Variants in MCM10 observed in about 807,000 individuals in gnomAD.
The protein encoded by MCM10 is minichromosome maintenance 10 replication initiation factor, also known as protein MCM10 homolog.
MCM10 carries 91 observed loss-of-function variants against 109.9 expected under a neutral mutation model. That is an observed-to-expected ratio of 0.83 (90% CI 0.70 to 0.99). The LOEUF (loss-of-function observed/expected upper bound fraction) is 0.99, where lower values mean the gene tolerates loss of function less well. MCM10 is among the 50% of genes least tolerant of loss of function. The pLI, the probability that MCM10 is intolerant of heterozygous loss-of-function variation, is 0.00. For missense variants in MCM10, 1,077 were observed against 1,061.2 expected, an observed-to-expected ratio of 1.01 and a Z score of -0.21; for synonymous variants, 380 against 387.2, an observed-to-expected ratio of 0.98 and a Z score of 0.22.
chr10:13,210,784 A>G lies in MCM10; in HGVS notation c.*1474A>G, dbSNP rs145018511. On this transcript the variant is annotated 3_prime_UTR_variant, in exon 20 of 20. Coordinates refer to ENST00000378714, the MANE Select transcript of MCM10 (RefSeq NM_018518.5). ...TAACAAAGAAAAGAATAAAGTATTT[A>G]TTAATAAGAACCAGAAAGCACTTGA... The G allele has an allele frequency of 6.6e-5, 10 of 152,312 alleles. No individual in the cohort carries two copies. In the East Asian group the frequency reaches 1.9e-3, roughly 29 times the overall value. The allele number at this position is 152,312 out of a possible 1,614,324, so 9.4% of individuals were successfully genotyped here.
At position 13,210,672 on chromosome 10, in the gene MCM10, G is replaced by C. The variant is rs1379508133; in HGVS notation, c.*1362G>C. Reference sequence around the variant, plus strand: ...GTGGAAGGTGCTGTATCTAACTTGTGTTCCTCCTAAGGTTATGTCCTAATA... The same window carrying C: ...GTGGAAGGTGCTGTATCTAACTTGTCTTCCTCCTAAGGTTATGTCCTAATA... On this transcript the variant is annotated 3_prime_UTR_variant, in exon 20 of 20. Coordinates refer to ENST00000378714, the MANE Select transcript of MCM10 (RefSeq NM_018518.5). The C allele has an allele frequency of 6.6e-6, 1 of 152,116 alleles. No homozygotes were observed. Among genetic ancestry groups the C allele is most frequent in the Non-Finnish European group, 1.5e-5 (1 of 68,024 alleles). 9.4% of individuals were successfully genotyped at this position (152,116 alleles called of 1,614,324 possible).
intron 18 of MCM10, chr10:13,204,650 T>G (rs1834546686): frequency 6.7e-6 from 2 of 297,238 alleles, no homozygotes; most frequent in African/African-American, 2.1e-5. Context: ...GGTAAACATG[T>G]GTGTGTTTGT....
intron 8 of MCM10, among the ~76,000 whole-genome samples, chr10:13,184,800 G>A (rs1834252992): frequency 6.6e-6 from 1 of 152,188 alleles, no homozygotes; most frequent in Admixed American, 6.5e-5. Flanking sequence ...GTCACAAGAT[G>A]CCTTTGAAAC....
intron 2 of MCM10, among the ~76,000 whole-genome samples, chr10:13,168,382 G>C (rs994874000): frequency 2.0e-5 from 3 of 152,218 alleles, no homozygotes; most frequent in Non-Finnish European, 2.9e-5. Context: ...CTTCTGGTAA[G>C]GGAGTGTAGA....
chr10:13,165,350 AAAAT>A (rs776325839), intron 2 of MCM10, among the ~76,000 whole-genome samples: 6 of 152,252 alleles, frequency 3.9e-5, no homozygotes, highest in Non-Finnish European at 7.3e-5. Flanking sequence ...AAAACCACAG[AAAAT>A]AAACCCTCAG....
intron 10 of MCM10, among the ~76,000 whole-genome samples, chr10:13,189,815 G>A (rs1348522826): frequency 6.6e-6 from 1 of 152,168 alleles, no homozygotes; most frequent in Non-Finnish European, 1.5e-5. Flanking sequence ...GCGATGCTGG[G>A]CAGGCATCCA....
At chr10:13,170,678 T>TTG (rs962374492) in intron 2 of MCM10, among the ~76,000 whole-genome samples, 22 of 151,360 alleles carry the variant, frequency 1.5e-4, no homozygotes, top group Admixed American at 5.3e-4. Flanking sequence ...TTTTTGTTTT[T>TTG]TTTGTTTGTT....
At chr10:13,192,138 G>A (rs562178884) in intron 11 of MCM10, 117 bp from the exon 12 acceptor site, 129 of 634,346 alleles carry the variant, frequency 2.0e-4, no homozygotes, top group Middle Eastern at 4.3e-4. Context: ...TTGGGATTCC[G>A]TCTTCTTCGT....
intron 2 of MCM10, among the ~76,000 whole-genome samples, chr10:13,165,981 C>A (rs761327828): frequency 6.6e-6 from 1 of 151,742 alleles, no homozygotes; most frequent in Non-Finnish European, 1.5e-5. Flanking sequence ...AAATCGGAGA[C>A]TGTATGGTAC....
intron 17 of MCM10, among the ~76,000 whole-genome samples, chr10:13,202,097 G>A (rs1834508099): frequency 6.6e-6 from 1 of 152,214 alleles, no homozygotes; most frequent in African/African-American, 2.4e-5. Flanking sequence ...GATGGCTCAT[G>A]CCTGGAATCC....
chr10:13,204,666 G>A (rs563799284), intron 18 of MCM10: 35 of 270,796 alleles, frequency 1.3e-4, no homozygotes, highest in Non-Finnish European at 2.1e-4. Context: ...TTTGTTGGGG[G>A]CTAGGATGCA....
intron 14 of MCM10, among the ~76,000 whole-genome samples, chr10:13,196,574 C>T (rs1421246361): frequency 6.6e-6 from 1 of 151,758 alleles, no homozygotes; most frequent in Non-Finnish European, 1.5e-5. Context: ...ATACAGTAGT[C>T]CGATCTCGCC....
chr10:13,168,429 T>C (rs1410035943), intron 2 of MCM10, among the ~76,000 whole-genome samples: 1 of 152,172 alleles, frequency 6.6e-6, no homozygotes, highest in African/African-American at 2.4e-5. Flanking sequence ...ATCTAGAGAT[T>C]CCTTATTAAC....
intron 15 of MCM10, 150 bp downstream of exon 15, chr10:13,197,917 A>ATTTT: frequency 1.9e-6 from 1 of 514,982 alleles, no homozygotes; most frequent in Non-Finnish European, 3.2e-6. Context: ...GGTGGAACTG[A>ATTTT]TTTTTTTTTT....
intron 18 of MCM10, chr10:13,204,602 T>C (rs1179952418): frequency 2.3e-6 from 1 of 429,174 alleles, no homozygotes; most frequent in Non-Finnish European, 4.1e-6. Context: ...CTCAGAAGTG[T>C]TTGTTGAATA....
intron 6 of MCM10, 41 bp downstream of exon 6, chr10:13,175,722 G>A: frequency 2.1e-6 from 3 of 1,419,048 alleles, no homozygotes; most frequent in Non-Finnish European, 2.9e-6. Context: ...CCACGGCATA[G>A]CTTTTTGTGC....
At position 13,197,673 on chromosome 10, in the gene MCM10, A is replaced by G; in HGVS notation, c.2025A>G (p.Thr675=). The G allele has an allele frequency of 6.2e-7, 1 of 1,614,114 alleles. No homozygotes were observed. Among genetic ancestry groups the G allele is most frequent in the African/African-American group, 1.3e-5 (1 of 75,036 alleles). ...CAAAAGGCCAGGTTCTTACAAAAACAAACCCAAACAGCATTAAGAAGAAAC... is the reference window on the plus strand; with the variant it reads ...CAAAAGGCCAGGTTCTTACAAAAACGAACCCAAACAGCATTAAGAAGAAAC... ...LRAKGQVLTK[T]NPNSIKKKQK... Residue 675 remains threonine, a synonymous_variant, in exon 15 of 20, where the codon ACA becomes ACG. Transcript: ENST00000378714.
At chr10:13,161,784 C>T (rs1004534205) in intron 1 of MCM10, among the ~76,000 whole-genome samples, 178 bp downstream of exon 1, 1 of 152,106 alleles carries the variant, frequency 6.6e-6, no homozygotes, top group Non-Finnish European at 1.5e-5. Flanking sequence ...CTGGCATGGC[C>T]GGGCCGGGGG....
chr10:13,175,005 G>A (rs1455569098), intron 5 of MCM10, among the ~76,000 whole-genome samples: 2 of 152,128 alleles, frequency 1.3e-5, no homozygotes, highest in Non-Finnish European at 2.9e-5. Flanking sequence ...GCGCATGCCT[G>A]TAATCCCAGC....
Sources: gnomAD v4.1 joint callset for allele counts (sites outside exome capture counted in the v4.1 genomes callset) on GRCh38, gnomAD v4.1.1 for gene constraint, MANE v1.5 for transcripts, NCBI Gene and HGNC (gene_info 2026-07-23, HGNC 2026-07-21) for gene names.